The following ADAMTS2 variants were observed in gnomAD, a reference collection of about 807,000 sequenced individuals.
The protein encoded by ADAMTS2 is A disintegrin and metalloproteinase with thrombospondin motifs 2.
ADAMTS2 carries 50 observed loss-of-function variants against 123.0 expected under a neutral mutation model. The observed-to-expected ratio is 0.41, with a 90% CI of 0.32 to 0.51. The LOEUF is 0.51. Among genes scored for constraint, ADAMTS2 ranks in the 20% least tolerant of loss-of-function variants. ADAMTS2 has a pLI of 0.35. For missense variants in ADAMTS2, 1,494 were observed against 1,705.2 expected (o/e 0.88, Z 2.18); for synonymous variants, 678 against 695.4 (o/e 0.98, Z 0.39).
At chr5:179,295,092 T>C (rs1159029625) in intron 2 of ADAMTS2, among the ~76,000 whole-genome samples, 1 of 152,226 alleles carries the variant, frequency 6.6e-6, no homozygotes, top group Admixed American at 6.5e-5. Flanking sequence ...GGTTTGTCTG[T>C]CATCCTCAGA....
rs1762593638 is a variant in ADAMTS2, at chr5:179,112,910, G to A, written c.*957C>T. The A allele has an allele frequency of 6.6e-6, 1 of 152,330 alleles. No individual in the cohort carries two copies. The highest frequency in any genetic ancestry group is 1.5e-5 in the Non-Finnish European group (1 of 68,126). 9.4% of individuals were successfully genotyped at this position (152,330 alleles called of 1,614,324 possible). ...AAGGCCAGGGTTAGTGGACAGGGGAGAGGCCTGGGAGAGCACCCCACTGTT... is the reference window on the plus strand; with the variant it reads ...AAGGCCAGGGTTAGTGGACAGGGGAAAGGCCTGGGAGAGCACCCCACTGTT... On this transcript the variant is annotated 3_prime_UTR_variant, in exon 22 of 22. Coordinates refer to ENST00000251582, the MANE Select transcript of ADAMTS2 (RefSeq NM_014244.5).
chr5:179,240,341 A>T (rs185759929), intron 3 of ADAMTS2, among the ~76,000 whole-genome samples: 68 of 152,292 alleles, frequency 4.5e-4, no homozygotes, highest in African/African-American at 1.5e-3. Flanking sequence ...GGCATTGTTC[A>T]GTAGATGTTA....
rs1001123641 is a variant in ADAMTS2 at position 179,285,226 on chromosome 5, T to G, written c.535-12162A>C. On this transcript the variant is annotated intron_variant, in intron 2 of 21. Coordinates refer to ENST00000251582, the MANE Select transcript of ADAMTS2 (RefSeq NM_014244.5). This position sits in a 1 kb window ranked among gnomAD's most constrained non-coding sequence, Gnocchi z 4.9. Reference sequence around the variant, plus strand: ...TTATTAATATTTTCTGTATTTTTTTTGTTTTACATTTTTACAAAGGGCATA... The same window carrying G: ...TTATTAATATTTTCTGTATTTTTTTGGTTTTACATTTTTACAAAGGGCATA... Among the ~76,000 whole-genome samples the G allele has an allele frequency of 1.3e-5, 2 of 152,230 alleles. No homozygotes were observed. Among genetic ancestry groups the G allele is most frequent in the Non-Finnish European group, 2.9e-5 (2 of 68,046 alleles).
At chr5:179,279,495 A>G (rs1766832842) in intron 2 of ADAMTS2, among the ~76,000 whole-genome samples, 1 of 152,240 alleles carries the variant, frequency 6.6e-6, no homozygotes, top group South Asian at 2.1e-4. Flanking sequence ...ATGGCCAGGC[A>G]GCCTCCCCTG....
At chr5:179,333,442 C>T (rs1757530069) in intron 2 of ADAMTS2, among the ~76,000 whole-genome samples, 2 of 152,296 alleles carry the variant, frequency 1.3e-5, no homozygotes, top group Admixed American at 6.5e-5. Flanking sequence ...CCAGGGCTCA[C>T]GCAGGTCTGA....
At chr5:179,278,302 C>T (rs1330111239) in intron 2 of ADAMTS2, among the ~76,000 whole-genome samples, 1 of 151,826 alleles carries the variant, frequency 6.6e-6, no homozygotes, top group Admixed American at 6.5e-5. Context: ...TTTTCAAACA[C>T]TTCAGTATAT....
At chr5:179,153,984 G>C (rs958386174) in intron 8 of ADAMTS2, 65 bp downstream of exon 8, 1 of 1,550,160 alleles carries the variant, frequency 6.5e-7, no homozygotes, top group Non-Finnish European at 8.7e-7. Flanking sequence ...ATGGGGACTT[G>C]CACCCTCCCA....
intron 21 of ADAMTS2, among the ~76,000 whole-genome samples, chr5:179,119,816 A>G (rs531206952): frequency 6.6e-6 from 1 of 152,316 alleles, no homozygotes; most frequent in African/African-American, 2.4e-5. Flanking sequence ...CCCACTCCAC[A>G]GGCTCTGCTC....
At chr5:179,230,228 C>T (rs1205601846) in intron 3 of ADAMTS2, among the ~76,000 whole-genome samples, 7 of 151,950 alleles carry the variant, frequency 4.6e-5, no homozygotes, top group Admixed American at 2.6e-4. Context: ...AGGGTGCCCT[C>T]GGGGGCAAGG....
rs1242720197 is a variant in ADAMTS2, at chr5:179,260,390, A to G, written c.688+12521T>C. The stretch of plus-strand genomic sequence containing the variant: ...ACTGTAAGCAAAAGATTCTCCCCGA[A>G]GCTAACGTGCTAAGTGACCTGGAGA... On this transcript the variant is annotated intron_variant, in intron 3 of 21. Transcript: ENST00000251582. The surrounding 1 kb of genome is among the most constrained non-coding windows in gnomAD (Gnocchi z 4.2). Among the ~76,000 whole-genome samples the G allele has an allele frequency of 1.3e-5, 2 of 152,232 alleles. No homozygotes were observed. Among genetic ancestry groups the G allele is most frequent in the Admixed American group, 6.5e-5 (1 of 15,292 alleles).
In ADAMTS2 at chr5:179,197,843, C is replaced by T. The variant is rs28409173; in HGVS notation, c.891+9670G>A. Among the ~76,000 whole-genome samples the T allele has an allele frequency of 0.13, 19,371 of 152,250 alleles. 1,484 individuals are homozygous for T. The highest frequency in any genetic ancestry group is 0.16 in the Non-Finnish European group (11,168 of 68,010). On this transcript the variant is annotated intron_variant, in intron 4 of 21. Transcript: ENST00000251582. This position sits in a 1 kb window ranked among gnomAD's most constrained non-coding sequence, Gnocchi z 4.2. Reference sequence around the variant, plus strand: ...GTACCTGGGGACGAAACTTGAGGTGCCACACACATCTGAGCTGCCTCCTAG... The same window carrying T: ...GTACCTGGGGACGAAACTTGAGGTGTCACACACATCTGAGCTGCCTCCTAG...
At position 179,181,742 on chromosome 5, in the gene ADAMTS2, T is replaced by C. The variant is rs928104475; in HGVS notation, c.892-587A>G. The stretch of plus-strand genomic sequence containing the variant: ...ATGGCTGGAGCTCCTGCAGTCGCCG[T>C]CTCTGTATTTATCACAATCATATTC... On this transcript the variant is annotated intron_variant, in intron 4 of 21. Coordinates refer to ENST00000251582, the MANE Select transcript of ADAMTS2 (RefSeq NM_014244.5). The surrounding 1 kb of genome is among the most constrained non-coding windows in gnomAD (Gnocchi z 4.1). 6.6e-6 allele frequency among the ~76,000 whole-genome samples: 1 copy of C among 152,188 alleles called. No homozygotes were observed. Among genetic ancestry groups the C allele is most frequent in the African/African-American group, 2.4e-5 (1 of 41,452 alleles).
At chr5:179,344,410 A>C (rs1320946223) in intron 1 of ADAMTS2, among the ~76,000 whole-genome samples, 2 of 152,056 alleles carry the variant, frequency 1.3e-5, no homozygotes, top group African/African-American at 4.8e-5. Context: ...TTGCCTGCCA[A>C]GAGCTCTGCC....
chr5:179,230,371 A>G (rs1004654750), intron 3 of ADAMTS2, among the ~76,000 whole-genome samples: 1 of 152,140 alleles, frequency 6.6e-6, no homozygotes, highest in Non-Finnish European at 1.5e-5. Flanking sequence ...TGATGCCGAG[A>G]TGCTCAGCTG....
chr5:179,284,886 C>A (rs1207339056), intron 2 of ADAMTS2, among the ~76,000 whole-genome samples: 1 of 152,168 alleles, frequency 6.6e-6, no homozygotes, highest in Non-Finnish European at 1.5e-5. Flanking sequence ...TATCTCTGTG[C>A]CAAACGTCAG....
chr5:179,166,049 C>T (rs1378306951), intron 5 of ADAMTS2, among the ~76,000 whole-genome samples: 1 of 152,186 alleles, frequency 6.6e-6, no homozygotes, highest in East Asian at 1.9e-4. Flanking sequence ...ACATGGGCTC[C>T]CAACTGGGCT....
chr5:179,184,509 T>TCAAAAAAAAAAAAAAAAAAAA (rs1290290563), intron 4 of ADAMTS2, among the ~76,000 whole-genome samples: 5 of 91,412 alleles, frequency 5.5e-5, no homozygotes, highest in African/African-American at 2.3e-4. Flanking sequence ...AGACTCTGTC[T>TCAAAAAAAAAAAAAAAAAAAA]AAAAAAAAAA....
At position 179,137,818 on chromosome 5, in the gene ADAMTS2, G is replaced by A. The variant is rs769205569; in HGVS notation, c.1902C>T (p.Phe634=). 3.0e-5 allele frequency: 48 copies of A among 1,580,066 alleles called. No homozygotes were observed. The highest frequency in any genetic ancestry group is 6.8e-5 in the African/African-American group (5 of 74,068). The change falls in exon 12 of 22, where the codon TTC becomes TTT. Residue 634 remains phenylalanine, a synonymous_variant. Coordinates refer to ENST00000251582, the MANE Select transcript of ADAMTS2 (RefSeq NM_014244.5). The stretch of plus-strand genomic sequence containing the variant: ...AGTGGTGCTGGGCGTCGCCGTGCTC[G>A]AAGTACAGGTCCCACTGGCGGCACT... ...EEQCRQWDLY[F]EHGDAQHHWL...
At position 179,317,217 on chromosome 5, in the gene ADAMTS2, G is replaced by T. The variant is rs73808253; in HGVS notation, c.534+26550C>A. Among the ~76,000 whole-genome samples the T allele has an allele frequency of 6.6e-6, 1 of 152,118 alleles. No homozygotes were observed. The highest frequency in any genetic ancestry group is 2.4e-5 in the African/African-American group (1 of 41,410). On this transcript the variant is annotated intron_variant, in intron 2 of 21. Coordinates refer to ENST00000251582, the MANE Select transcript of ADAMTS2 (RefSeq NM_014244.5). This position sits in a 1 kb window ranked among gnomAD's most constrained non-coding sequence, Gnocchi z 4.9. ...GCATCCTTTTCCTCAGCACTTTGGC[G>T]TCTTTCCTCCCAGTGGTTTCTTGGT...
Sources: gnomAD v4.1 joint callset for allele counts (sites outside exome capture counted in the v4.1 genomes callset) on GRCh38, gnomAD v4.1.1 for gene constraint, Gnocchi (gnomAD v3.1) non-coding constraint, MANE v1.5 for transcripts, NCBI Gene and HGNC (gene_info 2026-07-23, HGNC 2026-07-21) for gene names.